Variants in DEPTOR observed in about 807,000 individuals in gnomAD.
DEPTOR encodes DEP domain-containing mTOR-interacting protein.
DEPTOR carries 41 observed loss-of-function variants against 41.6 expected under a neutral mutation model. The ratio of observed to expected loss-of-function variants is 0.98; its 90% CI spans 0.77 to 1.28. DEPTOR has a LOEUF of 1.28. Ranked by LOEUF, DEPTOR falls within the 50% of genes most tolerant of loss-of-function variation. The pLI is 0.00. For synonymous variants in DEPTOR, 195 were observed against 192.3 expected, an observed-to-expected ratio of 1.01 and a Z score of -0.12; for missense variants, 514 against 527.9, an observed-to-expected ratio of 0.97 and a Z score of 0.26.
At chr8:119,925,647 CAG>C (rs771146836) in intron 1 of DEPTOR, among the ~76,000 whole-genome samples, 1 of 152,016 alleles carries the variant, frequency 6.6e-6, no homozygotes, top group East Asian at 1.9e-4. Context: ...TTTTTTGACA[CAG>C]AGTTTTGCTC....
intron 8 of DEPTOR, among the ~76,000 whole-genome samples, chr8:120,010,032 C>A (rs149759719): frequency 6.6e-6 from 1 of 152,238 alleles, no homozygotes; most frequent in Non-Finnish European, 1.5e-5. Context: ...TACGACATAG[C>A]CAATACTGAG....
At chr8:119,934,693 A>C (rs923931679) in intron 3 of DEPTOR, among the ~76,000 whole-genome samples, 1 of 152,224 alleles carries the variant, frequency 6.6e-6, no homozygotes, top group African/African-American at 2.4e-5. Context: ...AGTAAATAAT[A>C]ATATAAATAC....
intron 3 of DEPTOR, among the ~76,000 whole-genome samples, chr8:119,938,944 G>GCTCTCTCTCTCTCTCTCT (rs139892847): frequency 8.7e-5 from 11 of 125,944 alleles, no homozygotes; most frequent in African/African-American, 2.9e-4. Context: ...GTTCCTTCTT[G>GCTCTCTCTCTCTCTCTCT]CTCTCTCTCT....
chr8:119,988,434 C>T (rs1828856793), intron 4 of DEPTOR, among the ~76,000 whole-genome samples: 1 of 152,148 alleles, frequency 6.6e-6, no homozygotes, highest in Non-Finnish European at 1.5e-5. Flanking sequence ...CTGGGAGTTG[C>T]AGACCAGAGC....
At chr8:119,930,165 T>C (rs1828023646) in intron 3 of DEPTOR, among the ~76,000 whole-genome samples, 3 of 152,226 alleles carry the variant, frequency 2.0e-5, no homozygotes, top group Admixed American at 6.5e-5. Context: ...ATTTTCTGTA[T>C]TTAAGTTGAT....
chr8:119,899,298 G>A (rs958754244), intron 1 of DEPTOR, among the ~76,000 whole-genome samples: 5 of 152,042 alleles, frequency 3.3e-5, no homozygotes, highest in Non-Finnish European at 5.9e-5. Flanking sequence ...AGTCTCTTTC[G>A]ATATCTTTTA....
chr8:119,959,219 G>A (rs1828458062), intron 3 of DEPTOR, among the ~76,000 whole-genome samples: 1 of 139,130 alleles, frequency 7.2e-6, no homozygotes, highest in African/African-American at 2.7e-5. Flanking sequence ...CTGGAGGGAA[G>A]TGGCGCCATC....
intron 8 of DEPTOR, among the ~76,000 whole-genome samples, chr8:120,044,116 A>G (rs1331402744): frequency 6.6e-6 from 1 of 151,628 alleles, no homozygotes; most frequent in Non-Finnish European, 1.5e-5. Context: ...GATATTAAGT[A>G]TGTAAAACAA....
intron 8 of DEPTOR, among the ~76,000 whole-genome samples, chr8:120,021,861 GTGGCTGGGTGTC>G (rs1260868695): frequency 7.9e-5 from 12 of 152,260 alleles, no homozygotes; most frequent in African/African-American, 2.9e-4. Context: ...TGCATGGATT[GTGGCTGGGTGTC>G]GTGGCTCAAA....
rs373585838 is a variant in DEPTOR, at chr8:119,954,476, AAC to A, written c.426-10752_426-10751del. ...GCTTTTAAAAATAATTGATCATATT[AAC>A]ACATGACTTGTTTTTTAAAGCTCTC... On this transcript the variant is annotated intron_variant, in intron 3 of 8. Transcript: ENST00000286234. 1.3e-3 allele frequency among the ~76,000 whole-genome samples: 203 copies of A among 152,266 alleles called. 2 individuals are homozygous for A. The highest frequency in any genetic ancestry group is 4.7e-3 in the African/African-American group (197 of 41,550).
intron 1 of DEPTOR, chr8:119,874,228 G>A (rs1827203414): frequency 4.0e-6 from 2 of 503,194 alleles, no homozygotes; most frequent in East Asian, 4.1e-5. Context: ...CCTGGCTGCT[G>A]CAGTCCTGTG....
At chr8:120,033,130 C>G (rs2130177613) in intron 8 of DEPTOR, among the ~76,000 whole-genome samples, 1 of 143,642 alleles carries the variant, frequency 7.0e-6, no homozygotes, top group South Asian at 2.2e-4. Flanking sequence ...TCTTGTTGCC[C>G]AGGCTGGAGT....
At chr8:120,001,157 A>G (rs1239076237) in intron 4 of DEPTOR, among the ~76,000 whole-genome samples, 1 of 152,080 alleles carries the variant, frequency 6.6e-6, no homozygotes, top group African/African-American at 2.4e-5. Flanking sequence ...AAGTGAAGCC[A>G]TGATCACTGC....
intron 8 of DEPTOR, among the ~76,000 whole-genome samples, chr8:120,031,883 C>G (rs1812897588): frequency 6.6e-6 from 1 of 152,126 alleles, no homozygotes; most frequent in African/African-American, 2.4e-5. Context: ...CTTTCATCCT[C>G]TGTCTCAAGT....
chr8:119,886,464 C>CACACACAT (rs1554670620), intron 1 of DEPTOR, among the ~76,000 whole-genome samples: 7,559 of 150,166 alleles, frequency 0.05, 302 homozygotes, highest in South Asian at 0.17. Flanking sequence ...CAGACACACA[C>CACACACAT]ACACATACAC....
At chr8:119,987,411 C>T (rs4398969) in intron 4 of DEPTOR, among the ~76,000 whole-genome samples, 99,262 of 151,992 alleles carry the variant, frequency 0.65, 32,993 homozygotes, top group Middle Eastern at 0.76. Flanking sequence ...AAGCTTTGTC[C>T]CAGAGGGGCA....
chr8:119,903,650 G>A (rs1206390895), intron 1 of DEPTOR, among the ~76,000 whole-genome samples: 2 of 152,068 alleles, frequency 1.3e-5, no homozygotes, highest in Non-Finnish European at 1.5e-5. Context: ...CTCCTATTTC[G>A]TCATGTCAAC....
At chr8:119,913,552 T>A (rs1827773451) in intron 1 of DEPTOR, among the ~76,000 whole-genome samples, 1 of 152,208 alleles carries the variant, frequency 6.6e-6, no homozygotes, top group African/African-American at 2.4e-5. Flanking sequence ...GAGTGGGATG[T>A]GACTGCTGTT....
intron 4 of DEPTOR, among the ~76,000 whole-genome samples, chr8:119,980,659 A>G (rs1047236512): frequency 3.3e-5 from 5 of 151,700 alleles, no homozygotes; most frequent in Non-Finnish European, 5.9e-5. Flanking sequence ...CTGGGATTAC[A>G]GGCATGTGCC....
Sources: allele counts gnomAD v4.1 joint callset (sites outside exome capture counted in the v4.1 genomes callset), GRCh38; gene constraint gnomAD v4.1.1; transcripts MANE v1.5; gene names NCBI Gene and HGNC (gene_info 2026-07-23, HGNC 2026-07-21).